CSMD1: variants seen among roughly 807,000 people sequenced by gnomAD.
CSMD1 encodes CUB and sushi domain-containing protein 1.
In CSMD1, 213 loss-of-function variants were observed where a neutral mutation model predicts 417.5. That is an observed-to-expected ratio of 0.51 (90% CI 0.46 to 0.57). CSMD1 has a LOEUF of 0.57. CSMD1 is among the 20% of genes least tolerant of loss of function. The pLI is 0.00. For missense variants in CSMD1, 6,923 were observed against 4,529.7 expected (o/e 1.53, Z -15.17); for synonymous variants, 2,862 against 1,736.8 (o/e 1.65, Z -16.11).
At chr8:3,584,160 T>G (rs1391543855) in intron 9 of CSMD1, among the ~76,000 whole-genome samples, 6 of 152,150 alleles carry the variant, frequency 3.9e-5, no homozygotes, top group Admixed American at 2.0e-4. Flanking sequence ...TAATAAGAAC[T>G]GAAGTACTAT....
At chr8:4,459,751 CAGCCTCT>C (rs1011418270) in intron 2 of CSMD1, among the ~76,000 whole-genome samples, 10 of 152,176 alleles carry the variant, frequency 6.6e-5, no homozygotes, top group Non-Finnish European at 1.5e-5. Context: ...ATTAGTGATT[CAGCCTCT>C]AGCCTCCAGA....
chr8:3,252,211 C>T (rs1800326094), intron 26 of CSMD1, among the ~76,000 whole-genome samples: 1 of 152,116 alleles, frequency 6.6e-6, no homozygotes, highest in African/African-American at 2.4e-5. Flanking sequence ...TCATAGATAG[C>T]TCTTATTATT....
chr8:4,875,008 T>C (rs535967344), intron 1 of CSMD1, among the ~76,000 whole-genome samples: 1 of 151,998 alleles, frequency 6.6e-6, no homozygotes, highest in Non-Finnish European at 1.5e-5. Flanking sequence ...CTTCTTTTCT[T>C]CCTTTTCTCC....
At chr8:3,309,042 C>T (rs1175738598) in intron 23 of CSMD1, among the ~76,000 whole-genome samples, 2 of 152,032 alleles carry the variant, frequency 1.3e-5, no homozygotes, top group Non-Finnish European at 2.9e-5. Context: ...TCTTGTTTTC[C>T]GGAGTTCCAC....
intron 2 of CSMD1, among the ~76,000 whole-genome samples, chr8:4,562,782 A>C (rs1798405902): frequency 1.3e-5 from 2 of 152,138 alleles, no homozygotes; most frequent in South Asian, 4.1e-4. Context: ...ATATATCCTA[A>C]AAGGTATATC....
At position 4,682,169 on chromosome 8, in the gene CSMD1, G is replaced by A. The variant is rs958105664; in HGVS notation, c.86-44611C>T. Reference sequence around the variant, plus strand: ...AAGTATCTGGATAACTGGGACTACAGGCACACACCACCATGCCTGGCTAAA... The same window carrying A: ...AAGTATCTGGATAACTGGGACTACAAGCACACACCACCATGCCTGGCTAAA... On this transcript the variant is annotated intron_variant, in intron 1 of 69. Coordinates refer to ENST00000635120, the MANE Select transcript of CSMD1 (RefSeq NM_033225.6). 2.8e-4 allele frequency among the ~76,000 whole-genome samples: 43 copies of A among 151,936 alleles called. 2 individuals are homozygous for A. The highest frequency in any genetic ancestry group is 7.4e-5 in the Non-Finnish European group (5 of 67,998).
intron 5 of CSMD1, among the ~76,000 whole-genome samples, chr8:3,926,116 CACA>C (rs1809703972): frequency 9.4e-6 from 1 of 106,908 alleles, no homozygotes; most frequent in African/African-American, 4.3e-5. Flanking sequence ...CACACACACA[CACA>C]CACACACACA....
rs1182537130 is a variant in CSMD1, at chr8:4,446,741, GTGTGTGTGTGTGTC to G, written c.303-26690_303-26677del. Reference sequence around the variant, plus strand: ...GTTGTGTGTGTGTGTGTCTGTGTGTGTGTGTGTGTGTGTCTGTGTGTGTGTGTGTGTGTGTGTGT... The same window carrying G: ...GTTGTGTGTGTGTGTGTCTGTGTGTGTGTGTGTGTGTGTGTGTGTGTGTGT... On this transcript the variant is annotated intron_variant, in intron 2 of 69. Coordinates refer to ENST00000635120, the MANE Select transcript of CSMD1 (RefSeq NM_033225.6). 5.2e-3 allele frequency among the ~76,000 whole-genome samples: 617 copies of G among 117,888 alleles called. 3 individuals are homozygous for G. Among genetic ancestry groups the G allele is most frequent in the African/African-American group, 0.015 (401 of 27,548 alleles). The allele number at this position is 117,888 out of a possible 152,430, so 77.3% of individuals were successfully genotyped here.
chr8:3,343,689 C>T (rs376208235), intron 22 of CSMD1, among the ~76,000 whole-genome samples: 32 of 152,212 alleles, frequency 2.1e-4, no homozygotes, highest in East Asian at 7.7e-4. Flanking sequence ...ATTTTATATT[C>T]ATTACTTTAA....
intron 3 of CSMD1, among the ~76,000 whole-genome samples, chr8:4,345,733 T>G (rs907721080): frequency 2.0e-5 from 3 of 151,932 alleles, no homozygotes; most frequent in African/African-American, 4.8e-5. Context: ...ATCAAGAAAA[T>G]GCAAATCAGA....
chr8:3,418,405 C>T (rs35093811), intron 12 of CSMD1, among the ~76,000 whole-genome samples: 2,852 of 152,242 alleles, frequency 0.019, 56 homozygotes, highest in East Asian at 0.096. Flanking sequence ...GTTGGTGATC[C>T]TGCCCAGAAA....
chr8:3,877,147 T>A (rs145371930), intron 5 of CSMD1, among the ~76,000 whole-genome samples: 109 of 152,290 alleles, frequency 7.2e-4, no homozygotes, highest in Non-Finnish European at 1.3e-3. Context: ...ACTTTCCCCA[T>A]CCCTTCCTCT....
At chr8:4,967,875 A>T (rs1809982889) in intron 1 of CSMD1, among the ~76,000 whole-genome samples, 1 of 152,098 alleles carries the variant, frequency 6.6e-6, no homozygotes, top group Non-Finnish European at 1.5e-5. Context: ...GGATGTGCTG[A>T]CTCCTGCAGT....
chr8:4,928,945 C>T (rs1204574504), intron 1 of CSMD1, among the ~76,000 whole-genome samples: 1 of 152,030 alleles, frequency 6.6e-6, no homozygotes, highest in Non-Finnish European at 1.5e-5. Flanking sequence ...TTGGTACATG[C>T]CTGTAATCCC....
intron 12 of CSMD1, among the ~76,000 whole-genome samples, chr8:3,452,898 G>C (rs1403077138): frequency 6.6e-6 from 1 of 152,220 alleles, no homozygotes; most frequent in Non-Finnish European, 1.5e-5. Flanking sequence ...AATGGTACCA[G>C]CTCCTCCTTG....
At chr8:4,057,260 G>C (rs1182470350) in intron 3 of CSMD1, among the ~76,000 whole-genome samples, 2 of 152,272 alleles carry the variant, frequency 1.3e-5, no homozygotes, top group South Asian at 2.1e-4. Flanking sequence ...TTGTGGTTTT[G>C]ATTTGCATTT....
chr8:4,317,728 G>C (rs1420916360), intron 3 of CSMD1, among the ~76,000 whole-genome samples: 1 of 152,146 alleles, frequency 6.6e-6, no homozygotes, highest in Non-Finnish European at 1.5e-5. Flanking sequence ...TAGCTCAGCT[G>C]AGTACATGTC....
chr8:3,302,487 C>T (rs1347875357), intron 25 of CSMD1, among the ~76,000 whole-genome samples: 1 of 152,134 alleles, frequency 6.6e-6, no homozygotes, highest in Non-Finnish European at 1.5e-5. Context: ...GTTTCACTTC[C>T]CATGATATCA....
chr8:3,455,144 C>T (rs1010755996), intron 12 of CSMD1, among the ~76,000 whole-genome samples: 1 of 152,180 alleles, frequency 6.6e-6, no homozygotes, highest in Non-Finnish European at 1.5e-5. Flanking sequence ...AGTTCTCCTG[C>T]CATGGTTTTC....
Sources: gnomAD v4.1 joint callset for allele counts (sites outside exome capture counted in the v4.1 genomes callset) on GRCh38, gnomAD v4.1.1 for gene constraint, MANE v1.5 for transcripts, NCBI Gene and HGNC (gene_info 2026-07-23, HGNC 2026-07-21) for gene names.